CDH11: variants seen among roughly 807,000 people sequenced by gnomAD.
The protein encoded by CDH11 is cadherin-11.
In CDH11, 11 loss-of-function variants were observed where a neutral mutation model predicts 67.8. That is an observed-to-expected ratio of 0.16 (90% CI 0.10 to 0.27). The LOEUF (loss-of-function observed/expected upper bound fraction) is 0.27. CDH11 is among the 10% of genes least tolerant of loss of function. The probability of loss-of-function intolerance (pLI) is 1.00; values close to 1 mark genes in which losing one functional copy is unlikely to be tolerated. For synonymous variants in CDH11, 419 were observed against 400.0 expected (o/e 1.05, Z -0.57); for missense variants, 847 against 1,031.2 (o/e 0.82, Z 2.45).
chr16:65,016,211 A>G (rs2073304362), intron 2 of CDH11, among the ~76,000 whole-genome samples: 1 of 152,214 alleles, frequency 6.6e-6, no homozygotes, highest in Admixed American at 6.5e-5. Flanking sequence ...TTAAGAAAGC[A>G]GACATCAACA....
chr16:65,004,859 T>A lies in CDH11; in HGVS notation c.11A>T (p.Asn4Ile). The A allele has an allele frequency of 6.5e-7, 1 of 1,528,736 alleles. No homozygotes were observed. Among genetic ancestry groups the A allele is most frequent in the Non-Finnish European group, 8.8e-7 (1 of 1,133,542 alleles). The allele number at this position is 1,528,736 out of a possible 1,614,324, so 94.7% of individuals were successfully genotyped here. A position where few individuals can be genotyped will look rare whatever the true frequency, so the allele number is the denominator to read the frequency against. MKE[N>I]YCLQAALVCL... ...CACCAGGGCGGCTTGTAAACAGTAG[T>A]TCTCCTTCATTTTTGGTTACGTGGT... Residue 4 changes from asparagine (N) to isoleucine (I), a missense_variant, in exon 3 of 13, where the codon AAC becomes ATC. Physicochemically the swap from Asn to Ile is moderately radical, Grantham distance 149. Around this residue, in one of 2 missense-constraint regions of CDH11, gnomAD observed 235 missense variants for 352.5 expected, o/e 0.67. Coordinates refer to ENST00000268603, the MANE Select transcript of CDH11 (RefSeq NM_001797.4).
intron 6 of CDH11, among the ~76,000 whole-genome samples, chr16:64,989,490 C>A (rs1287908280): frequency 6.6e-6 from 1 of 152,082 alleles, no homozygotes; most frequent in Non-Finnish European, 1.5e-5. Context: ...CAATGACGTG[C>A]ATATCTGCAG....
chr16:65,058,050 T>C (rs2074175248), intron 1 of CDH11, among the ~76,000 whole-genome samples: 1 of 151,860 alleles, frequency 6.6e-6, no homozygotes, highest in Non-Finnish European at 1.5e-5. Flanking sequence ...GCCTGGGCAA[T>C]ATGGCGAAAC....
chr16:64,951,888 T>C (rs2071372014), intron 11 of CDH11, among the ~76,000 whole-genome samples: 1 of 152,112 alleles, frequency 6.6e-6, no homozygotes, highest in South Asian at 2.1e-4. Flanking sequence ...ATTAAACATG[T>C]CACTCCTCCT....
intron 11 of CDH11, among the ~76,000 whole-genome samples, chr16:64,969,366 G>T (rs1380972971): frequency 1.3e-5 from 2 of 152,082 alleles, no homozygotes; most frequent in Admixed American, 1.3e-4. Flanking sequence ...CAGTAATATT[G>T]CTAGGAATAC....
At chr16:65,017,746 A>G (rs914108634) in intron 2 of CDH11, among the ~76,000 whole-genome samples, 1 of 152,268 alleles carries the variant, frequency 6.6e-6, no homozygotes, top group East Asian at 1.9e-4. Context: ...TATGTTACCT[A>G]TTCTTCTTGT....
At chr16:65,048,938 G>A (rs1406524204) in intron 2 of CDH11, among the ~76,000 whole-genome samples, 1 of 151,920 alleles carries the variant, frequency 6.6e-6, no homozygotes, top group East Asian at 1.9e-4. Flanking sequence ...TATCCTAAGT[G>A]AAAAAACTCA....
At chr16:65,010,996 T>C (rs1597089606) in intron 2 of CDH11, among the ~76,000 whole-genome samples, 2 of 115,644 alleles carry the variant, frequency 1.7e-5, no homozygotes, top group Middle Eastern at 4.5e-3. Context: ...TACACACACA[T>C]ATGTATATGT....
chr16:64,990,235 C>T (rs78874512), intron 6 of CDH11, among the ~76,000 whole-genome samples: 22,749 of 152,088 alleles, frequency 0.15, 2,276 homozygotes, highest in East Asian at 0.42. Flanking sequence ...ACCAGACAAT[C>T]GTACAGTGTG....
chr16:65,067,993 AGGGAAGAAGGGAGG>A (rs1158653372), intron 1 of CDH11, among the ~76,000 whole-genome samples: 6 of 48,514 alleles, frequency 1.2e-4, no homozygotes, highest in East Asian at 6.0e-4. Context: ...GAAGGGAGGG[AGGGAAGAAGGGAGG>A]GAGAGAGAGA....
chr16:65,093,433 G>A (rs1462906400), intron 1 of CDH11, among the ~76,000 whole-genome samples: 1 of 152,030 alleles, frequency 6.6e-6, no homozygotes, highest in Non-Finnish European at 1.5e-5. Flanking sequence ...AAGGCTCTCA[G>A]TGGCTCTGAG....
Position 65,005,053 on chromosome 16 carries a change from G to C in CDH11, c.-172-12C>G. 1 of 1,340,986 alleles carries C rather than the reference G, an allele frequency of 7.5e-7. No individual in the cohort carries two copies. Among genetic ancestry groups the C allele is most frequent in the Non-Finnish European group, 9.5e-7 (1 of 1,048,842 alleles). The allele number at this position is 1,340,986 out of a possible 1,614,324, so 83.1% of individuals were successfully genotyped here. A position where few individuals can be genotyped will look rare whatever the true frequency, so the allele number is the denominator to read the frequency against. ...TCCCCAGTTAGCTTCTGCAAGCAGAGAGAGGTTGGATTAACTGCAGGCCAA... is the reference window on the plus strand; with the variant it reads ...TCCCCAGTTAGCTTCTGCAAGCAGACAGAGGTTGGATTAACTGCAGGCCAA... On this transcript the variant is annotated splice_polypyrimidine_tract_variant and intron_variant, in intron 2 of 12. Transcript: ENST00000268603.
rs1348182964 is a variant in CDH11, at chr16:65,121,613, G to A, written c.-298+267C>T. Among the ~76,000 whole-genome samples, 2 of 152,188 alleles carry A rather than the reference G, an allele frequency of 1.3e-5. No homozygotes were observed. The highest frequency in any genetic ancestry group is 2.9e-5 in the Non-Finnish European group (2 of 68,032). On this transcript the variant is annotated intron_variant, in intron 1 of 12. Coordinates refer to ENST00000268603, the MANE Select transcript of CDH11 (RefSeq NM_001797.4). The surrounding 1 kb of genome is among the most constrained non-coding windows in gnomAD (Gnocchi z 4.1). ...CTCGGCGCAGACCCCACAGGAGGCC[G>A]GAGCCAGGGAGAGTCGTGGAGCGCA...
At position 64,944,609 on chromosome 16, in the gene CDH11, G is replaced by T. The variant is rs538920959; in HGVS notation, c.*2994C>A. ...CCCAGGAGCAGTTTCAAATACTCCT[G>T]ACCTGGTTCCACCTGACATACAGAG... On this transcript the variant is annotated 3_prime_UTR_variant, in exon 13 of 13. Transcript: ENST00000268603. 1.9e-4 allele frequency: 44 copies of T among 232,016 alleles called. No individual in the cohort carries two copies. In the South Asian group the frequency reaches 6.7e-3, roughly 35 times the overall value. The allele number at this position is 232,016 out of a possible 1,614,324, so 14.4% of individuals were successfully genotyped here.
intron 2 of CDH11, among the ~76,000 whole-genome samples, chr16:65,037,144 G>A (rs1597119236): frequency 6.6e-6 from 1 of 152,278 alleles, no homozygotes; most frequent in East Asian, 1.9e-4. Flanking sequence ...CTCCCTGAGA[G>A]ATCTAAGAAG....
At chr16:64,953,927 G>A (rs1047698546) in intron 11 of CDH11, among the ~76,000 whole-genome samples, 1 of 152,204 alleles carries the variant, frequency 6.6e-6, no homozygotes, top group Non-Finnish European at 1.5e-5. Flanking sequence ...GTTACCCATA[G>A]TGTTATGGCT....
Position 64,994,259 on chromosome 16 carries a change from T to C in CDH11, c.524-1225A>G, listed in dbSNP as rs137914752. ...TTGTCAGTCACTATTCTAGGCAGGA[T>C]AGATTTATAAAGGAAAATACCATCA... On this transcript the variant is annotated intron_variant, in intron 4 of 12. Coordinates refer to ENST00000268603, the MANE Select transcript of CDH11 (RefSeq NM_001797.4). Among the ~76,000 whole-genome samples, 348 of 152,330 alleles carry C rather than the reference T, an allele frequency of 2.3e-3. 3 individuals carry two copies. Among genetic ancestry groups the C allele is most frequent in the African/African-American group, 7.6e-3 (314 of 41,584 alleles).
At chr16:65,063,503 T>C (rs1034106601) in intron 1 of CDH11, among the ~76,000 whole-genome samples, 16 of 152,160 alleles carry the variant, frequency 1.1e-4, no homozygotes, top group Non-Finnish European at 2.2e-4. Flanking sequence ...TTCTACAATA[T>C]TCATATTCTC....
At chr16:64,990,624 G>A (rs536449228) in intron 6 of CDH11, among the ~76,000 whole-genome samples, 9 of 151,818 alleles carry the variant, frequency 5.9e-5, no homozygotes, top group Non-Finnish European at 7.4e-5. Context: ...CACTTTTTAC[G>A]GAAACCAGTT....
Sources: allele counts gnomAD v4.1 joint callset (sites outside exome capture counted in the v4.1 genomes callset), GRCh38; gene constraint gnomAD v4.1.1; regional missense constraint gnomAD v4.1.1; non-coding constraint Gnocchi (gnomAD v3.1); transcripts MANE v1.5; gene names NCBI Gene and HGNC (gene_info 2026-07-23, HGNC 2026-07-21).